BTF3L4: variants seen among roughly 807,000 people sequenced by gnomAD.
The protein encoded by BTF3L4 is basic transcription factor 3 like 4.
A neutral mutation model predicts 16.8 loss-of-function variants in BTF3L4; 6 were observed. The observed-to-expected ratio is 0.36, with a 90% CI of 0.20 to 0.71. The LOEUF (loss-of-function observed/expected upper bound fraction) is 0.71, where lower values mean the gene tolerates loss of function less well. BTF3L4 is among the 30% of genes least tolerant of loss of function. BTF3L4 has a pLI of 0.58. For missense variants in BTF3L4, 92 were observed against 186.9 expected, an observed-to-expected ratio of 0.49 and a Z score of 2.96; for synonymous variants, 39 against 59.8, an observed-to-expected ratio of 0.65 and a Z score of 1.60.
In BTF3L4 at chr1:52,067,072, C is replaced by A. The variant is rs547447753; in HGVS notation, c.168+2134C>A. ...GCCAACATGGTGAGACCCGTCTCTA[C>A]TAAATATACAAAAATTAGCCAGGCA... On this transcript the variant is annotated intron_variant, in intron 3 of 5. Transcript: ENST00000313334. Among the ~76,000 whole-genome samples the A allele has an allele frequency of 1.3e-4, 20 of 151,738 alleles. No homozygotes were observed. In the South Asian group the frequency reaches 3.5e-3, roughly 27 times the overall value.
rs142565050 is a variant in BTF3L4, at chr1:52,080,582, A to G, written c.169-2758A>G. ...GGAGTCTGACTCTGTTGCCCAGGCC[A>G]GAGTGCAATGGTGCGATTTCGGCTT... On this transcript the variant is annotated intron_variant, in intron 3 of 5. Transcript: ENST00000313334. Among the ~76,000 whole-genome samples, 955 of 112,794 alleles carry G rather than the reference A, an allele frequency of 8.5e-3. 6 individuals are homozygous for G. Among genetic ancestry groups the G allele is most frequent in the African/African-American group, 0.03 (905 of 29,806 alleles). The allele number at this position is 112,794 out of a possible 152,430, so 74.0% of individuals were successfully genotyped here.
In BTF3L4 at chr1:52,066,032, C is replaced by T. The variant is rs754528393; in HGVS notation, c.168+1094C>T. ...CAGCCTGGGTGACAGAGTGAGCATC[C>T]GTCTCAAAAAAAAAAATTGTATGTC... On this transcript the variant is annotated intron_variant, in intron 3 of 5. Transcript: ENST00000313334. 1.9e-4 allele frequency among the ~76,000 whole-genome samples: 29 copies of T among 151,010 alleles called. 2 individuals are homozygous for T. The highest frequency in any genetic ancestry group is 1.4e-3 in the Admixed American group (21 of 15,198).
rs1489581212 is a variant in BTF3L4, at chr1:52,083,528, G to A, written c.357G>A (p.Gln119=). Residue 119 remains glutamine (Q), a synonymous_variant, in exon 4 of 6, where the codon CAG becomes CAA. Transcript: ENST00000313334. ...SLTSLRKLAE[Q]FPRQVLDSKA... Reference sequence around the variant, plus strand: ...CAAGCCTTAGGAAGTTAGCTGAACAGTTCCCACGGCAAGGTAGGTATTTCA... The same window carrying A: ...CAAGCCTTAGGAAGTTAGCTGAACAATTCCCACGGCAAGGTAGGTATTTCA... 6.2e-7 allele frequency: 1 copy of A among 1,612,438 alleles called. No individual in the cohort carries two copies. Among genetic ancestry groups the A allele is most frequent in the Non-Finnish European group, 8.5e-7 (1 of 1,178,738 alleles).
chr1:52,073,330 C>T (rs973529990), intron 3 of BTF3L4, among the ~76,000 whole-genome samples: 3 of 151,830 alleles, frequency 2.0e-5, no homozygotes, highest in African/African-American at 7.3e-5. Flanking sequence ...ATAGATATTG[C>T]CACTGTAGGA....
Position 52,089,316 on chromosome 1 carries a change from T to G in BTF3L4, c.*2558T>G, listed in dbSNP as rs1169974418. ...AATTCTTAATGGCTGGCCTCTCTTG[T>G]GTACAATGAGCCAATATTCTTTTTT... On this transcript the variant is annotated 3_prime_UTR_variant, in exon 6 of 6. Coordinates refer to ENST00000313334, the MANE Select transcript of BTF3L4 (RefSeq NM_152265.5). 2.0e-5 allele frequency: 3 copies of G among 152,178 alleles called. No homozygotes were observed. Among genetic ancestry groups the G allele is most frequent in the Non-Finnish European group, 4.4e-5 (3 of 68,022 alleles). 9.4% of individuals were successfully genotyped at this position (152,178 alleles called of 1,614,324 possible).
chr1:52,067,653 A>C (rs1174096945), intron 3 of BTF3L4, among the ~76,000 whole-genome samples: 1 of 152,244 alleles, frequency 6.6e-6, no homozygotes, highest in Non-Finnish European at 1.5e-5. Context: ...AAAACTTGGT[A>C]AAAATGAATA....
At chr1:52,066,295 G>T (rs1686645570) in intron 3 of BTF3L4, among the ~76,000 whole-genome samples, 1 of 151,324 alleles carries the variant, frequency 6.6e-6, no homozygotes, top group African/African-American at 2.4e-5. Flanking sequence ...CTGGGCTCAA[G>T]AAATTTCTGC....
chr1:52,064,823 AG>A lies in BTF3L4; in HGVS notation c.56del. Reference sequence around the variant, plus strand: ...TTCTGCTTCTGTTTGGTTATTTTTCAGGGTACAGCTCGCAGAAAGAAGAAGG... The same window carrying A: ...TTCTGCTTCTGTTTGGTTATTTTTCAGGTACAGCTCGCAGAAAGAAGAAGG... On this transcript the variant is annotated splice_acceptor_variant, in intron 2 of 5. Coordinates refer to ENST00000313334, the MANE Select transcript of BTF3L4 (RefSeq NM_152265.5). LOFTEE classifies it high-confidence loss of function. 6.3e-7 allele frequency: 1 copy of A among 1,596,642 alleles called. No individual in the cohort carries two copies.
chr1:52,058,909 C>T (rs1361631552), intron 1 of BTF3L4, among the ~76,000 whole-genome samples: 1 of 152,170 alleles, frequency 6.6e-6, no homozygotes, highest in Admixed American at 6.5e-5. Context: ...CTGAATTTGG[C>T]TTTTCTTTGT....
At position 52,059,819 on chromosome 1, in the gene BTF3L4, AT is replaced by A. The variant is rs752725560; in HGVS notation, c.-13-11del. ...GCAAAAGAGTGACTTTAACAAATCT[AT>A]TTTTCCCCCCCTAGATTTACCAACA... On this transcript the variant is annotated splice_polypyrimidine_tract_variant and intron_variant, in intron 1 of 5. Transcript: ENST00000313334. 22 of 1,612,382 alleles carry A rather than the reference AT, an allele frequency of 1.4e-5. No homozygotes were observed. Among genetic ancestry groups the A allele is most frequent in the South Asian group, 5.5e-5 (5 of 90,896 alleles).
chr1:52,083,881 A>G (rs1437593051), intron 4 of BTF3L4, among the ~76,000 whole-genome samples: 1 of 151,962 alleles, frequency 6.6e-6, no homozygotes, highest in African/African-American at 2.4e-5. Flanking sequence ...TTAGCCAGGC[A>G]TGGTAGCAGG....
At chr1:52,078,497 C>G (rs1469925503) in intron 3 of BTF3L4, among the ~76,000 whole-genome samples, 1 of 152,106 alleles carries the variant, frequency 6.6e-6, no homozygotes, top group Non-Finnish European at 1.5e-5. Context: ...AATTAACCTT[C>G]TAGTATGGTC....
At chr1:52,076,614 C>T (rs1686941987) in intron 3 of BTF3L4, among the ~76,000 whole-genome samples, 1 of 151,906 alleles carries the variant, frequency 6.6e-6, no homozygotes, top group African/African-American at 2.4e-5. Context: ...AAAAAAATTC[C>T]TGTCTTGTCA....
intron 3 of BTF3L4, among the ~76,000 whole-genome samples, chr1:52,067,996 A>G (rs954202584): frequency 4.3e-4 from 11 of 25,430 alleles, no homozygotes; most frequent in Non-Finnish European, 3.3e-3. Flanking sequence ...ACACTTCTTT[A>G]GAGAGGAAAA....
At chr1:52,058,612 T>G (rs1686432761) in intron 1 of BTF3L4, among the ~76,000 whole-genome samples, 1 of 152,132 alleles carries the variant, frequency 6.6e-6, no homozygotes, top group Non-Finnish European at 1.5e-5. Context: ...GGCTTTTTTT[T>G]TTTTTTGAGA....
rs764375219 is a variant in BTF3L4, at chr1:52,059,870, A to G, written c.23A>G (p.Lys8Arg). 7 of 1,613,488 alleles carry G rather than the reference A, an allele frequency of 4.3e-6. No homozygotes were observed. Among genetic ancestry groups the G allele is most frequent in the African/African-American group, 1.3e-5 (1 of 75,020 alleles). The change falls in exon 2 of 6, where the codon AAA (lysine) becomes AGA (arginine). Residue 8 changes from lysine to arginine, a missense_variant. Lys to Arg is a conservative substitution (Grantham distance 26). Coordinates refer to ENST00000313334, the MANE Select transcript of BTF3L4 (RefSeq NM_152265.5). ...AGCATGAATCAAGAAAAGTTAGCCA[A>G]ACTTCAGGCTCAGGTCCGGATAGGG... MNQEKLA[K>R]LQAQVRIGGK...
At chr1:52,061,344 C>G (rs1441203659) in intron 2 of BTF3L4, among the ~76,000 whole-genome samples, 2 of 151,750 alleles carry the variant, frequency 1.3e-5, no homozygotes, top group Admixed American at 6.6e-5. Flanking sequence ...CAAAAATAGC[C>G]TGGTGTGGTG....
chr1:52,064,794 A>G, intron 2 of BTF3L4, 31 bp from the exon 3 acceptor site: 1 of 1,449,596 alleles, frequency 6.9e-7, no homozygotes, highest in Non-Finnish European at 9.6e-7. Context: ...AGGCATGCTA[A>G]CACTTCTGCT....
rs74592203 is a variant in BTF3L4 at position 52,057,397 on chromosome 1, A to G, written c.-14+1018A>G. 4.8e-3 allele frequency among the ~76,000 whole-genome samples: 736 copies of G among 152,364 alleles called. 6 individuals carry two copies. The highest frequency in any genetic ancestry group is 0.017 in the African/African-American group (705 of 41,594). ...TCCTGGAATCCCCAAGGAAGAACTC[A>G]TTAATCATGTGGCTTTAGGAAGTTA... On this transcript the variant is annotated intron_variant, in intron 1 of 5. Coordinates refer to ENST00000313334, the MANE Select transcript of BTF3L4 (RefSeq NM_152265.5).
Sources: gnomAD v4.1 joint callset for allele counts (sites outside exome capture counted in the v4.1 genomes callset) on GRCh38, gnomAD v4.1.1 for gene constraint, MANE v1.5 for transcripts, NCBI Gene and HGNC (gene_info 2026-07-23, HGNC 2026-07-21) for gene names.